Variants in OPCML observed in about 807,000 individuals in gnomAD.
OPCML encodes opioid binding protein/cell adhesion molecule like, also known as opioid-binding protein/cell adhesion molecule.
OPCML carries 13 observed loss-of-function variants against 37.8 expected under a neutral mutation model. That is an observed-to-expected ratio of 0.34 (90% confidence interval 0.22 to 0.55). The LOEUF is 0.55. OPCML is among the 20% of genes least tolerant of loss of function. The pLI, the probability that OPCML is intolerant of heterozygous loss-of-function variation, is 0.91. For synonymous variants in OPCML, 176 were observed against 168.8 expected (o/e 1.04, Z -0.33); for missense variants, 341 against 435.6 (o/e 0.78, Z 1.93).
intron 1 of OPCML, among the ~76,000 whole-genome samples, chr11:133,197,300 C>T (rs1459509200): frequency 1.3e-5 from 2 of 152,176 alleles, no homozygotes; most frequent in Non-Finnish European, 2.9e-5. Context: ...TGTTGCTTTA[C>T]TTGTAGAATG....
rs185494408 is a variant in OPCML, at chr11:132,770,392, G to C, written c.147-113073C>G. ...AGGAAGGACAGAGGGGAGGAAGGGAGAGAGGAGGAAAGACACGGAGGGAGG... is the reference window on the plus strand; with the variant it reads ...AGGAAGGACAGAGGGGAGGAAGGGACAGAGGAGGAAAGACACGGAGGGAGG... On this transcript the variant is annotated intron_variant, in intron 2 of 7. Transcript: ENST00000524381. Among the ~76,000 whole-genome samples the C allele has an allele frequency of 1.4e-3, 215 of 152,186 alleles. 1 individual carries two copies. The highest frequency in any genetic ancestry group is 4.9e-3 in the African/African-American group (203 of 41,512).
chr11:133,070,609 G>A (rs1457038421), intron 1 of OPCML, among the ~76,000 whole-genome samples: 1 of 152,236 alleles, frequency 6.6e-6, no homozygotes, highest in Non-Finnish European at 1.5e-5. Flanking sequence ...TAATTCCAAA[G>A]AAGGTGCAAC....
rs1268969467 is a variant in OPCML, at chr11:132,943,824, C to T, written c.62-814G>A. The T allele has an allele frequency of 6.7e-6, 1 of 150,336 alleles. No homozygotes were observed. 9.3% of individuals were successfully genotyped at this position (150,336 alleles called of 1,614,324 possible). A position where few individuals can be genotyped will look rare whatever the true frequency, so the allele number is the denominator to read the frequency against. On this transcript the variant is annotated intron_variant, in intron 1 of 7. Coordinates refer to ENST00000524381, the MANE Select transcript of OPCML (RefSeq NM_001012393.5). This position sits in a 1 kb window ranked among gnomAD's most constrained non-coding sequence, Gnocchi z 4.3. ...CGGCGGCCCCCGCCTCCTCCGGGGACGCGGCACGAGACGCGGGGACGCGCG... is the reference window on the plus strand; with the variant it reads ...CGGCGGCCCCCGCCTCCTCCGGGGATGCGGCACGAGACGCGGGGACGCGCG...
intron 1 of OPCML, among the ~76,000 whole-genome samples, chr11:133,470,297 T>A (rs939711611): frequency 1.3e-5 from 2 of 152,196 alleles, no homozygotes; most frequent in Non-Finnish European, 2.9e-5. Flanking sequence ...TTTTTGACCA[T>A]CACTCCCTTG....
intron 1 of OPCML, among the ~76,000 whole-genome samples, chr11:133,259,010 C>T (rs1372541566): frequency 2.0e-5 from 3 of 152,192 alleles, no homozygotes; most frequent in African/African-American, 7.2e-5. Context: ...TAAATTAAAT[C>T]AGAAGCACAA....
Position 132,578,838 on chromosome 11 carries a change from A to G in OPCML, c.380-49652T>C, listed in dbSNP as rs180894201. Among the ~76,000 whole-genome samples, 82 of 152,286 alleles carry G rather than the reference A, an allele frequency of 5.4e-4. 1 individual carries two copies. The highest frequency in any genetic ancestry group is 1.9e-3 in the African/African-American group (79 of 41,570). On this transcript the variant is annotated intron_variant, in intron 3 of 7. Coordinates refer to ENST00000524381, the MANE Select transcript of OPCML (RefSeq NM_001012393.5). Reference sequence around the variant, plus strand: ...ATTACATATTCAAGAACTGACAACAATTGATGCATGGCTGGAAAATAATAT... The same window carrying G: ...ATTACATATTCAAGAACTGACAACAGTTGATGCATGGCTGGAAAATAATAT...
At chr11:132,744,242 G>C (rs768522067) in intron 2 of OPCML, among the ~76,000 whole-genome samples, 35 of 152,176 alleles carry the variant, frequency 2.3e-4, no homozygotes, top group Non-Finnish European at 4.6e-4. Context: ...ATTCAGGGGG[G>C]ACTCCTGGCC....
chr11:133,343,878 C>T (rs1031100676), intron 1 of OPCML, among the ~76,000 whole-genome samples: 3 of 152,164 alleles, frequency 2.0e-5, no homozygotes, highest in African/African-American at 4.8e-5. Flanking sequence ...AATTTAAACA[C>T]AGTCATTATT....
intron 2 of OPCML, among the ~76,000 whole-genome samples, chr11:132,687,622 G>A (rs1312839674): frequency 9.2e-5 from 14 of 151,364 alleles, no homozygotes; most frequent in Non-Finnish European, 2.1e-4. Flanking sequence ...AGCAGAACTT[G>A]TATTTAAATG....
At chr11:132,995,893 G>T (rs895723608) in intron 1 of OPCML, among the ~76,000 whole-genome samples, 1 of 152,344 alleles carries the variant, frequency 6.6e-6, no homozygotes, top group South Asian at 2.1e-4. Flanking sequence ...GCAGGAATTA[G>T]TATTTGTGGA....
At chr11:132,562,692 C>A (rs1380403159) in intron 3 of OPCML, among the ~76,000 whole-genome samples, 2 of 151,988 alleles carry the variant, frequency 1.3e-5, no homozygotes, top group Admixed American at 1.3e-4. Context: ...ACCTACACAG[C>A]AGGAACTTTT....
chr11:133,229,664 A>G (rs1024691760), intron 1 of OPCML, among the ~76,000 whole-genome samples: 1 of 152,202 alleles, frequency 6.6e-6, no homozygotes, highest in African/African-American at 2.4e-5. Flanking sequence ...CTGTAAAGAA[A>G]AAAAAGATGT....
intron 3 of OPCML, among the ~76,000 whole-genome samples, chr11:132,564,028 C>T (rs1365536598): frequency 6.6e-6 from 1 of 152,166 alleles, no homozygotes; most frequent in Non-Finnish European, 1.5e-5. Flanking sequence ...CATCAACTCA[C>T]TGGTCCCTTT....
At chr11:133,131,365 A>T (rs991949243) in intron 1 of OPCML, among the ~76,000 whole-genome samples, 2 of 152,218 alleles carry the variant, frequency 1.3e-5, no homozygotes, top group Non-Finnish European at 2.9e-5. Flanking sequence ...GTAAAAAGCA[A>T]AACAGCACAA....
intron 1 of OPCML, among the ~76,000 whole-genome samples, chr11:133,385,003 C>T (rs1693583385): frequency 6.6e-6 from 1 of 152,214 alleles, no homozygotes. Context: ...CCTCTGGGTG[C>T]CACACCCTTG....
Position 133,165,823 on chromosome 11 carries a change from C to T in OPCML, c.62-222813G>A, listed in dbSNP as rs148998403. 2.0e-5 allele frequency among the ~76,000 whole-genome samples: 3 copies of T among 152,264 alleles called. No individual in the cohort carries two copies. The East Asian group carries it at 5.8e-4, about 29-fold the overall frequency. ...TTCTCCAGGATGCTTTTTGACAACT[C>T]CAGACCACCCTGGTCCCTGGACCCT... On this transcript the variant is annotated intron_variant, in intron 1 of 7. Transcript: ENST00000524381.
intron 1 of OPCML, among the ~76,000 whole-genome samples, chr11:133,295,924 A>G (rs1425543988): frequency 6.6e-6 from 1 of 152,228 alleles, no homozygotes; most frequent in African/African-American, 2.4e-5. Context: ...ACATTTTGAA[A>G]CGAATATAAC....
At chr11:132,491,638 A>G (rs1022306157) in intron 4 of OPCML, among the ~76,000 whole-genome samples, 1 of 152,234 alleles carries the variant, frequency 6.6e-6, no homozygotes, top group African/African-American at 2.4e-5. Context: ...AAACTATATT[A>G]CATATTTAAT....
chr11:132,612,026 C>T (rs1375633701), intron 3 of OPCML, among the ~76,000 whole-genome samples: 1 of 152,006 alleles, frequency 6.6e-6, no homozygotes. Context: ...TATATGCTGC[C>T]AGAAAATGGT....
Sources: allele counts gnomAD v4.1 joint callset (sites outside exome capture counted in the v4.1 genomes callset), GRCh38; gene constraint gnomAD v4.1.1; non-coding constraint Gnocchi (gnomAD v3.1); transcripts MANE v1.5; gene names NCBI Gene and HGNC (gene_info 2026-07-23, HGNC 2026-07-21).